RAB32: variants seen among roughly 807,000 people sequenced by gnomAD.
The protein encoded by RAB32 is RAB32, member RAS oncogene family, also known as ras-related protein Rab-32.
RAB32 carries 17 observed loss-of-function variants against 17.5 expected under a neutral mutation model. The observed-to-expected ratio is 0.97, with a 90% confidence interval of 0.67 to 1.46. The LOEUF is 1.46. Among genes scored for constraint, RAB32 ranks in the 40% most tolerant of loss-of-function variants. The pLI is 0.00. For synonymous variants in RAB32, 115 were observed against 111.1 expected, an observed-to-expected ratio of 1.04 and a Z score of -0.22; for missense variants, 288 against 284.3, an observed-to-expected ratio of 1.01 and a Z score of -0.09.
intron 1 of RAB32, 76 bp from the exon 2 acceptor site, chr6:146,549,388 G>T: frequency 8.2e-7 from 1 of 1,216,268 alleles, no homozygotes. Context: ...TTGCTCTTGG[G>T]GTAAAAGGGG....
rs376054604 is a variant in RAB32, at chr6:146,553,114, C to T, written c.529-1342C>T. ...TAAGTTTTAGGGTACATGTGCACAA[C>T]GTGCAGGTTAGTCACGTATGTATAC... On this transcript the variant is annotated intron_variant, in intron 2 of 2. Transcript: ENST00000367495. 4.8e-4 allele frequency among the ~76,000 whole-genome samples: 73 copies of T among 152,006 alleles called. 1 individual carries two copies. In the South Asian group the frequency reaches 7.3e-3, roughly 15 times the overall value.
intron 2 of RAB32, among the ~76,000 whole-genome samples, chr6:146,551,080 A>G (rs1392449723): frequency 6.6e-6 from 1 of 152,162 alleles, no homozygotes; most frequent in Non-Finnish European, 1.5e-5. Context: ...GCAATGAGAG[A>G]CTGCACAAAA....
Position 146,549,800 on chromosome 6 carries a change from A to G in RAB32, c.528+59A>G, listed in dbSNP as rs976264975. Reference sequence around the variant, plus strand: ...TCTAGCTCATAATTCTGAGCTGTAAATGTAAAGTATTTAGATATATTTATG... The same window carrying G: ...TCTAGCTCATAATTCTGAGCTGTAAGTGTAAAGTATTTAGATATATTTATG... On this transcript the variant is annotated intron_variant, in intron 2 of 2. Transcript: ENST00000367495. The G allele has an allele frequency of 9.8e-6, 15 of 1,531,952 alleles. No homozygotes were observed. In the Admixed American group the frequency reaches 1.3e-4, roughly 13 times the overall value. 94.9% of individuals were successfully genotyped at this position (1,531,952 alleles called of 1,614,324 possible).
chr6:146,546,549 T>C (rs1779823395), intron 1 of RAB32, among the ~76,000 whole-genome samples: 1 of 152,162 alleles, frequency 6.6e-6, no homozygotes, highest in African/African-American at 2.4e-5. Flanking sequence ...ATATTTGAGC[T>C]ACTAGTGAAT....
At chr6:146,552,135 A>G (rs1779904956) in intron 2 of RAB32, among the ~76,000 whole-genome samples, 1 of 152,200 alleles carries the variant, frequency 6.6e-6, no homozygotes. Flanking sequence ...TTTCACCTTT[A>G]TGGCAAATAA....
chr6:146,548,615 C>A (rs557672343), intron 1 of RAB32, among the ~76,000 whole-genome samples: 1 of 152,286 alleles, frequency 6.6e-6, no homozygotes, highest in Admixed American at 6.5e-5. Flanking sequence ...AGTCAGAAGA[C>A]CTGGATTCTA....
chr6:146,545,696 C>G (rs917282119), intron 1 of RAB32, among the ~76,000 whole-genome samples: 10 of 152,120 alleles, frequency 6.6e-5, no homozygotes, highest in African/African-American at 2.4e-4. Flanking sequence ...ACCAAAAGTT[C>G]GTTTGAAAAG....
Position 146,543,915 on chromosome 6 carries a change from C to CCGCCCCAG in RAB32, c.50_57dup (p.Glu20GlnfsTer14). ...GGGGACCCCGGCCTGGGGGCGGCCG[C>CCGCCCCAG]CGCCCCAGCGCCCGAGACCCGCGAG... is the stretch of plus-strand genomic sequence containing the variant. On this transcript the variant is annotated frameshift_variant, in exon 1 of 3. Coordinates refer to ENST00000367495, the MANE Select transcript of RAB32 (RefSeq NM_006834.5). LOFTEE classifies it high-confidence loss of function. The CCGCCCCAG allele has an allele frequency of 6.3e-7, 1 of 1,595,592 alleles. No individual in the cohort carries two copies. The highest frequency in any genetic ancestry group is 8.5e-7 in the Non-Finnish European group (1 of 1,172,916).
rs746381605 is a variant in RAB32 at position 146,543,937 on chromosome 6, C to T, written c.66C>T (p.Arg22=). The T allele has an allele frequency of 4.3e-6, 7 of 1,609,986 alleles. No individual in the cohort carries two copies. Among genetic ancestry groups the T allele is most frequent in the African/African-American group, 2.7e-5 (2 of 74,624 alleles). The change falls in exon 1 of 3, where the codon CGC becomes CGT. Residue 22 remains arginine (R), a synonymous_variant. Coordinates refer to ENST00000367495, the MANE Select transcript of RAB32 (RefSeq NM_006834.5). ...CCGCCGCCCCAGCGCCCGAGACCCG[C>T]GAGCACCTCTTCAAGGTGCTGGTGA... ...GAAAAPAPET[R]EHLFKVLVIG... is the part of the protein sequence containing the mutation.
chr6:146,550,694 A>C (rs1021894650), intron 2 of RAB32, among the ~76,000 whole-genome samples: 1 of 145,338 alleles, frequency 6.9e-6, no homozygotes, highest in African/African-American at 2.5e-5. Context: ...ATATAGAAAA[A>C]AGGTGAAAAT....
At position 146,549,707 on chromosome 6, in the gene RAB32, A is replaced by G; in HGVS notation, c.494A>G (p.His165Arg). Residue 165 changes from histidine (H) to arginine (R), a missense_variant, in exon 2 of 3, where the codon CAT becomes CGT. Transcript: ENST00000367495. ...PSQVDQFCKE[H>R]GFAGWFETSA... The stretch of plus-strand genomic sequence containing the variant: ...CAGGTGGACCAATTCTGCAAAGAAC[A>G]TGGCTTTGCCGGATGGTTTGAAACC... 2 of 1,614,176 alleles carry G rather than the reference A, an allele frequency of 1.2e-6. No homozygotes were observed. Among genetic ancestry groups the G allele is most frequent in the Non-Finnish European group, 1.7e-6 (2 of 1,180,008 alleles).
intron 1 of RAB32, among the ~76,000 whole-genome samples, chr6:146,548,439 T>G (rs1322876177): frequency 6.6e-6 from 1 of 152,216 alleles, no homozygotes; most frequent in Non-Finnish European, 1.5e-5. Flanking sequence ...AGCCTGTTGC[T>G]CATGTGTTTC....
At chr6:146,547,517 A>G (rs1249332910) in intron 1 of RAB32, among the ~76,000 whole-genome samples, 1 of 152,128 alleles carries the variant, frequency 6.6e-6, no homozygotes, top group African/African-American at 2.4e-5. Context: ...TGGAAGATAT[A>G]AACTATATAA....
chr6:146,543,962 A>G lies in RAB32; in HGVS notation c.91A>G (p.Ile31Val). 1 of 1,613,210 alleles carries G rather than the reference A, an allele frequency of 6.2e-7. No individual in the cohort carries two copies. The highest frequency in any genetic ancestry group is 8.5e-7 in the Non-Finnish European group (1 of 1,179,762). ...CGAGCACCTCTTCAAGGTGCTGGTG[A>G]TCGGCGAGCTTGGCGTGGGCAAGAC... ...TREHLFKVLV[I>V]GELGVGKTSI... Residue 31 changes from isoleucine to valine, a missense_variant, in exon 1 of 3, where the codon ATC (isoleucine) becomes GTC (valine). Transcript: ENST00000367495.
intron 1 of RAB32, among the ~76,000 whole-genome samples, chr6:146,548,569 AG>A (rs748423247): frequency 1.3e-5 from 2 of 152,220 alleles, no homozygotes; most frequent in African/African-American, 2.4e-5. Flanking sequence ...AAGATAGTTC[AG>A]AAAGGCTAGC....
chr6:146,548,626 G>A (rs1042588652), intron 1 of RAB32, among the ~76,000 whole-genome samples: 22 of 152,298 alleles, frequency 1.4e-4, no homozygotes, highest in East Asian at 1.9e-4. Flanking sequence ...CTGGATTCTA[G>A]TCCTGTCTTC....
intron 1 of RAB32, among the ~76,000 whole-genome samples, chr6:146,546,629 T>A (rs902940737): frequency 2.0e-5 from 3 of 152,072 alleles, no homozygotes; most frequent in African/African-American, 7.2e-5. Context: ...CTCCACAAAC[T>A]TCCCCCAGGG....
chr6:146,546,722 A>G (rs1779826482), intron 1 of RAB32, among the ~76,000 whole-genome samples: 1 of 151,234 alleles, frequency 6.6e-6, no homozygotes. Flanking sequence ...ATTGCACAAT[A>G]GTAGATAGAG....
chr6:146,549,472 C>A lies in RAB32; in HGVS notation c.259C>A (p.Arg87=), dbSNP rs151272937. The A allele has an allele frequency of 1.2e-6, 2 of 1,613,154 alleles. No homozygotes were observed. Among genetic ancestry groups the A allele is most frequent in the South Asian group, 2.2e-5 (2 of 90,986 alleles). ...CTTATATTTATGTCTAGGGCAGGAG[C>A]GATTTGGCAACATGACCCGAGTATA... ...LQLWDIAGQE[R]FGNMTRVYYK... Residue 87 remains arginine (R), a synonymous_variant, in exon 2 of 3, where the codon CGA becomes AGA. Transcript: ENST00000367495.
Sources: gnomAD v4.1 joint callset for allele counts (sites outside exome capture counted in the v4.1 genomes callset) on GRCh38, gnomAD v4.1.1 for gene constraint, MANE v1.5 for transcripts, NCBI Gene and HGNC (gene_info 2026-07-23, HGNC 2026-07-21) for gene names.